FHIT: variants seen among roughly 807,000 people sequenced by gnomAD.
The protein encoded by FHIT is bis(5'-adenosyl)-triphosphatase.
FHIT carries 19 observed loss-of-function variants against 17.9 expected under a neutral mutation model. The observed-to-expected ratio is 1.06, with a 90% CI of 0.74 to 1.56. The LOEUF is 1.56. FHIT is among the 40% of genes most tolerant of loss of function. The probability of loss-of-function intolerance (pLI) is 0.00; values close to 1 mark genes in which losing one functional copy is unlikely to be tolerated. For synonymous variants in FHIT, 81 were observed against 69.7 expected (o/e 1.16, Z -0.81); for missense variants, 248 against 189.2 (o/e 1.31, Z -1.82).
chr3:60,581,542 C>T (rs2037749660), intron 4 of FHIT, among the ~76,000 whole-genome samples: 2 of 151,920 alleles, frequency 1.3e-5, no homozygotes, highest in South Asian at 4.2e-4. Context: ...GTCTCAATCT[C>T]GGTAAAACCA....
intron 5 of FHIT, among the ~76,000 whole-genome samples, chr3:60,301,737 C>T (rs1193523197): frequency 6.6e-6 from 1 of 152,058 alleles, no homozygotes; most frequent in Non-Finnish European, 1.5e-5. Context: ...AAATTTTACA[C>T]CTAATTTTAA....
At chr3:59,933,796 C>A (rs1451102168) in intron 7 of FHIT, among the ~76,000 whole-genome samples, 1 of 152,084 alleles carries the variant, frequency 6.6e-6, no homozygotes, top group Admixed American at 6.6e-5. Context: ...TAGTTCATGC[C>A]AGGAAATTTT....
intron 3 of FHIT, among the ~76,000 whole-genome samples, chr3:60,885,286 T>G (rs1483304771): frequency 6.6e-6 from 1 of 152,190 alleles, no homozygotes; most frequent in Non-Finnish European, 1.5e-5. Flanking sequence ...GTTGTATGCA[T>G]GTACTAAAGT....
intron 8 of FHIT, among the ~76,000 whole-genome samples, chr3:59,821,058 A>T (rs1057161843): frequency 6.6e-6 from 1 of 152,142 alleles, no homozygotes; most frequent in Non-Finnish European, 1.5e-5. Flanking sequence ...AGCAGTTGGA[A>T]ATATGAGTCT....
intron 8 of FHIT, among the ~76,000 whole-genome samples, chr3:59,800,966 C>G (rs906182439): frequency 6.6e-6 from 1 of 152,222 alleles, no homozygotes; most frequent in Non-Finnish European, 1.5e-5. Flanking sequence ...TCATCTCCCC[C>G]TTCCCAGCTC....
intron 5 of FHIT, among the ~76,000 whole-genome samples, chr3:60,111,121 G>T (rs1015897341): frequency 6.6e-6 from 1 of 151,844 alleles, no homozygotes; most frequent in African/African-American, 2.4e-5. Context: ...CTGATAGACC[G>T]AGAAGAAAAA....
intron 4 of FHIT, among the ~76,000 whole-genome samples, chr3:60,559,137 GA>G (rs2036844049): frequency 6.6e-6 from 1 of 152,106 alleles, no homozygotes; most frequent in South Asian, 2.1e-4. Context: ...TTTATTCATA[GA>G]TTTGTGTTAG....
intron 4 of FHIT, among the ~76,000 whole-genome samples, chr3:60,773,518 C>A (rs1553723713): frequency 2.0e-5 from 3 of 152,194 alleles, no homozygotes; most frequent in Non-Finnish European, 1.5e-5. Flanking sequence ...TGAGCCATTA[C>A]AGAATTTCTG....
intron 3 of FHIT, among the ~76,000 whole-genome samples, chr3:60,901,794 A>G (rs186309272): frequency 2.0e-5 from 3 of 152,312 alleles, no homozygotes; most frequent in African/African-American, 7.2e-5. Context: ...TGTAGGTTCA[A>G]GGAAGTTCAT....
intron 3 of FHIT, among the ~76,000 whole-genome samples, chr3:60,961,942 G>A (rs1709473507): frequency 6.6e-6 from 1 of 152,154 alleles, no homozygotes; most frequent in South Asian, 2.1e-4. Flanking sequence ...GAACTTTAAG[G>A]TAGTTTTTTC....
chr3:60,076,463 T>G (rs1703011622), intron 5 of FHIT, among the ~76,000 whole-genome samples: 1 of 150,776 alleles, frequency 6.6e-6, no homozygotes. Flanking sequence ...AGTGAAAGTG[T>G]TTTATACAAG....
intron 5 of FHIT, among the ~76,000 whole-genome samples, chr3:60,158,631 A>G (rs1184328255): frequency 1.3e-5 from 2 of 152,132 alleles, no homozygotes; most frequent in African/African-American, 4.8e-5. Context: ...CTCTAAGCGC[A>G]GACAAAGAAA....
At position 61,014,265 on chromosome 3, in the gene FHIT, A is replaced by C. The variant is rs372989303; in HGVS notation, c.-111+27782T>G. Among the ~76,000 whole-genome samples the C allele has an allele frequency of 3.9e-5, 6 of 152,244 alleles. 1 individual carries two copies. In the South Asian group the frequency reaches 1.2e-3, roughly 32 times the overall value. On this transcript the variant is annotated intron_variant, in intron 3 of 9. Transcript: ENST00000492590. Reference sequence around the variant, plus strand: ...GATTCTTCGGCTATGACTAGAAAACATATTGTTACTCATGTATTTCTTCTC... The same window carrying C: ...GATTCTTCGGCTATGACTAGAAAACCTATTGTTACTCATGTATTTCTTCTC...
At chr3:61,101,289 T>G (rs893973549) in intron 2 of FHIT, among the ~76,000 whole-genome samples, 6 of 152,198 alleles carry the variant, frequency 3.9e-5, no homozygotes, top group Non-Finnish European at 7.3e-5. Flanking sequence ...GGCTAGCCAG[T>G]TTTCCCAGCA....
At chr3:60,573,862 C>T (rs1019019128) in intron 4 of FHIT, among the ~76,000 whole-genome samples, 3 of 151,502 alleles carry the variant, frequency 2.0e-5, no homozygotes, top group East Asian at 1.9e-4. Context: ...CAGGCTGGGG[C>T]GCAGTGACGT....
chr3:60,546,086 G>A (rs1038323795), intron 4 of FHIT, among the ~76,000 whole-genome samples: 10 of 151,172 alleles, frequency 6.6e-5, no homozygotes, highest in South Asian at 6.3e-4. Flanking sequence ...TTACATTAGC[G>A]TGTGTTCTCT....
intron 1 of FHIT, among the ~76,000 whole-genome samples, chr3:61,207,526 C>G (rs967849205): frequency 3.9e-5 from 6 of 152,142 alleles, no homozygotes; most frequent in Non-Finnish European, 7.3e-5. Context: ...AGAGATTCAA[C>G]TTCTTTCTGG....
chr3:61,211,558 G>A (rs1023556808), intron 1 of FHIT, among the ~76,000 whole-genome samples: 1 of 152,328 alleles, frequency 6.6e-6, no homozygotes, highest in East Asian at 1.9e-4. Context: ...GCCTCTGTGG[G>A]CTCCACCTCT....
chr3:61,146,016 G>C (rs763270374), intron 2 of FHIT, among the ~76,000 whole-genome samples: 6 of 151,970 alleles, frequency 3.9e-5, no homozygotes, highest in African/African-American at 9.6e-5. Context: ...CCACAATATT[G>C]AGCAATTAAA....
Sources: gnomAD v4.1 joint callset for allele counts (sites outside exome capture counted in the v4.1 genomes callset) on GRCh38, gnomAD v4.1.1 for gene constraint, MANE v1.5 for transcripts, NCBI Gene and HGNC (gene_info 2026-07-23, HGNC 2026-07-21) for gene names.